DOCK5: variants seen among roughly 807,000 people sequenced by gnomAD.
DOCK5 encodes dedicator of cytokinesis 5.
In DOCK5, 142 loss-of-function variants were observed where a neutral mutation model predicts 251.8. The ratio of observed to expected loss-of-function variants is 0.56; its 90% CI spans 0.49 to 0.65. DOCK5 has a LOEUF of 0.65. Ranked by LOEUF, DOCK5 falls within the 30% of genes least tolerant of loss-of-function variation. The pLI, the probability that DOCK5 is intolerant of heterozygous loss-of-function variation, is 0.00. For missense variants in DOCK5, 2,111 were observed against 2,312.3 expected (o/e 0.91, Z 1.79); for synonymous variants, 842 against 835.5 (o/e 1.01, Z -0.13).
intron 18 of DOCK5, among the ~76,000 whole-genome samples, chr8:25,327,538 ATT>A (rs1805588892): frequency 6.6e-6 from 1 of 152,142 alleles, no homozygotes; most frequent in African/African-American, 2.4e-5. Flanking sequence ...AGATAACCAT[ATT>A]GTTACATTGT....
chr8:25,204,270 T>A (rs1801946269), intron 1 of DOCK5, among the ~76,000 whole-genome samples: 3 of 152,186 alleles, frequency 2.0e-5, no homozygotes, highest in Admixed American at 6.5e-5. Flanking sequence ...AGAAATTTTT[T>A]AAAATTTTAG....
In DOCK5 at chr8:25,403,710, A is replaced by G. The variant is rs2117339843; in HGVS notation, c.5079A>G (p.Arg1693=). The part of the protein sequence containing the change: ...SSNSSDNAPS[R]PGSDGSILEP... ...ACTCGTCTGACAATGCTCCTTCCAGACCGGGATCTGATGGGTAAGGGTTTC... is the reference window on the plus strand; with the variant it reads ...ACTCGTCTGACAATGCTCCTTCCAGGCCGGGATCTGATGGGTAAGGGTTTC... The change falls in exon 48 of 52, where the codon AGA becomes AGG. Residue 1693 remains arginine (R), a synonymous_variant. Transcript: ENST00000276440. 1 of 1,613,780 alleles carries G rather than the reference A, an allele frequency of 6.2e-7. No homozygotes were observed. Among genetic ancestry groups the G allele is most frequent in the East Asian group, 2.2e-5 (1 of 44,866 alleles).
At chr8:25,375,475 A>C (rs1466364999) in intron 37 of DOCK5, 1 of 156,162 alleles carries the variant, frequency 6.4e-6, no homozygotes, top group Non-Finnish European at 1.4e-5. Flanking sequence ...CCTGGGCTCA[A>C]GCAATCCTCC....
intron 21 of DOCK5, among the ~76,000 whole-genome samples, chr8:25,334,730 C>G (rs17053412): frequency 7.8e-6 from 1 of 127,682 alleles, no homozygotes; most frequent in Admixed American, 8.5e-5. Flanking sequence ...AAAAAAAAAT[C>G]GAGCAAAATC....
In DOCK5 at chr8:25,412,800, C is replaced by G. The variant is rs1255789017; in HGVS notation, c.*1502C>G. 1 of 152,244 alleles carries G rather than the reference C, an allele frequency of 6.6e-6. No individual in the cohort carries two copies. The highest frequency in any genetic ancestry group is 1.5e-5 in the Non-Finnish European group (1 of 68,084). The allele number at this position is 152,244 out of a possible 1,614,324, so 9.4% of individuals were successfully genotyped here. A position where few individuals can be genotyped will look rare whatever the true frequency, so the allele number is the denominator to read the frequency against. ...AGCTGGTATTTGCCTGCCTGATTCT[C>G]TGTGTTTCCTGTTTCACCGCCACCC... On this transcript the variant is annotated 3_prime_UTR_variant, in exon 52 of 52. Transcript: ENST00000276440.
intron 2 of DOCK5, among the ~76,000 whole-genome samples, chr8:25,252,735 A>G (rs1170838398): frequency 2.6e-5 from 4 of 152,236 alleles, no homozygotes; most frequent in Non-Finnish European, 5.9e-5. Flanking sequence ...GTGTCAGTGA[A>G]AAGTCTTATC....
chr8:25,403,060 A>C (rs1030276529), intron 47 of DOCK5, among the ~76,000 whole-genome samples: 1 of 152,200 alleles, frequency 6.6e-6, no homozygotes, highest in Non-Finnish European at 1.5e-5. Context: ...GGCCGGTATT[A>C]GTGAGTCATT....
At chr8:25,350,330 G>A (rs1800444168) in intron 26 of DOCK5, among the ~76,000 whole-genome samples, 2 of 150,282 alleles carry the variant, frequency 1.3e-5, no homozygotes, top group East Asian at 2.0e-4. Flanking sequence ...ACAGATAGAG[G>A]CTATGAAAAG....
chr8:25,265,149 A>G (rs1340686723), intron 2 of DOCK5, among the ~76,000 whole-genome samples: 1 of 151,918 alleles, frequency 6.6e-6, no homozygotes, highest in Non-Finnish European at 1.5e-5. Flanking sequence ...AATCTTGGCT[A>G]CACATTAGCA....
chr8:25,310,228 A>G (rs1316732215), intron 12 of DOCK5, among the ~76,000 whole-genome samples, 179 bp from the exon 13 acceptor site: 2 of 152,084 alleles, frequency 1.3e-5, no homozygotes, highest in African/African-American at 2.4e-5. Context: ...TCAAATTCTC[A>G]AAGAGGTCCT....
At chr8:25,187,264 T>C (rs928056229) in intron 1 of DOCK5, among the ~76,000 whole-genome samples, 11 of 148,634 alleles carry the variant, frequency 7.4e-5, no homozygotes, top group Non-Finnish European at 1.6e-4. Flanking sequence ...CACACACGTA[T>C]ACACACACAT....
At chr8:25,353,395 A>G (rs907466544) in intron 27 of DOCK5, among the ~76,000 whole-genome samples, 17 of 152,284 alleles carry the variant, frequency 1.1e-4, no homozygotes, top group African/African-American at 4.1e-4. Flanking sequence ...AAAACATATT[A>G]TAAAAGGATT....
chr8:25,316,904 A>C, intron 13 of DOCK5, 103 bp from the exon 14 acceptor site: 1 of 1,443,676 alleles, frequency 6.9e-7, no homozygotes, highest in Middle Eastern at 1.8e-4. Flanking sequence ...TCAGTATAAA[A>C]CCAGACCATT....
chr8:25,187,067 C>T (rs774061811), intron 1 of DOCK5, among the ~76,000 whole-genome samples: 20 of 151,124 alleles, frequency 1.3e-4, no homozygotes, highest in African/African-American at 7.3e-5. Context: ...CGGGCATGGT[C>T]GCCTGTGCCT....
intron 5 of DOCK5, among the ~76,000 whole-genome samples, chr8:25,282,394 C>G (rs973873298): frequency 1.3e-5 from 2 of 152,152 alleles, no homozygotes; most frequent in African/African-American, 4.8e-5. Flanking sequence ...TGTCCCATCT[C>G]CTTTCACCTG....
chr8:25,351,927 A>G lies in DOCK5; in HGVS notation c.2850+101A>G, dbSNP rs576288697. ...CCAGTGGCTTGAGACTATTCTTCACATGGGCCTCTCACATCATGGGTCATT... is the reference window on the plus strand; with the variant it reads ...CCAGTGGCTTGAGACTATTCTTCACGTGGGCCTCTCACATCATGGGTCATT... On this transcript the variant is annotated intron_variant, in intron 27 of 51. Coordinates refer to ENST00000276440, the MANE Select transcript of DOCK5 (RefSeq NM_024940.8). 9.9e-6 allele frequency: 8 copies of G among 806,050 alleles called. No homozygotes were observed. In the African/African-American group the frequency reaches 1.0e-4, roughly 10 times the overall value. 49.9% of individuals were successfully genotyped at this position (806,050 alleles called of 1,614,324 possible).
intron 1 of DOCK5, among the ~76,000 whole-genome samples, chr8:25,197,418 G>A (rs1801756557): frequency 1.3e-5 from 2 of 152,094 alleles, no homozygotes; most frequent in Admixed American, 1.3e-4. Context: ...CCATTGCAAA[G>A]CCACTGTTGT....
intron 1 of DOCK5, among the ~76,000 whole-genome samples, chr8:25,222,020 T>A (rs1802404016): frequency 6.6e-6 from 1 of 152,186 alleles, no homozygotes; most frequent in South Asian, 2.1e-4. Flanking sequence ...TTTCTCCTGC[T>A]GTCAGCCCTG....
chr8:25,410,067 T>G, intron 50 of DOCK5, 32 bp from the exon 51 acceptor site: 1 of 1,581,496 alleles, frequency 6.3e-7, no homozygotes, highest in South Asian at 1.1e-5. Flanking sequence ...TCAGTGCCTC[T>G]CTCTGCCGCC....
Sources: allele counts gnomAD v4.1 joint callset (sites outside exome capture counted in the v4.1 genomes callset), GRCh38; gene constraint gnomAD v4.1.1; transcripts MANE v1.5; gene names NCBI Gene and HGNC (gene_info 2026-07-23, HGNC 2026-07-21).